ROBO2: variants seen among roughly 807,000 people sequenced by gnomAD.
ROBO2 encodes roundabout homolog 2.
Under a neutral mutation model 160.8 loss-of-function variants are expected in ROBO2, and 53 were observed. The observed-to-expected ratio is 0.33, with a 90% CI of 0.26 to 0.41. The LOEUF is 0.41. Ranked by LOEUF, ROBO2 falls within the 10% of genes least tolerant of loss-of-function variation. The pLI, the probability that ROBO2 is intolerant of heterozygous loss-of-function variation, is 1.00. For missense variants in ROBO2, 1,577 were observed against 1,722.4 expected, an observed-to-expected ratio of 0.92 and a Z score of 1.49; for synonymous variants, 664 against 611.7, an observed-to-expected ratio of 1.09 and a Z score of -1.26.
intron 2 of ROBO2, among the ~76,000 whole-genome samples, chr3:77,102,457 A>T (rs2072096200): frequency 6.6e-6 from 1 of 152,218 alleles, no homozygotes; most frequent in Non-Finnish European, 1.5e-5. Context: ...AAGTCAGTTG[A>T]GAACCACTGA....
intron 2 of ROBO2, among the ~76,000 whole-genome samples, chr3:76,931,550 G>GACACACACACACACACACACAC (rs148001909): frequency 2.7e-5 from 4 of 150,724 alleles, no homozygotes; most frequent in African/African-American, 7.3e-5. Context: ...TGCTTTATAA[G>GACACACACACACACACACACAC]ACACATACAC....
chr3:77,580,205 A>G, intron 16 of ROBO2, 87 bp downstream of exon 17: 1 of 1,182,152 alleles, frequency 8.5e-7, no homozygotes, highest in Non-Finnish European at 1.3e-6. Context: ...CTAATAGTGA[A>G]TATACACTTA....
chr3:76,455,026 G>T (rs1409955231), intron 2 of ROBO2, among the ~76,000 whole-genome samples: 1 of 152,040 alleles, frequency 6.6e-6, no homozygotes, highest in Non-Finnish European at 1.5e-5. Flanking sequence ...GTCCAACTAG[G>T]TAAAATAAAG....
chr3:77,151,060 G>T (rs1274152653), intron 2 of ROBO2, among the ~76,000 whole-genome samples: 1 of 152,104 alleles, frequency 6.6e-6, no homozygotes, highest in Non-Finnish European at 1.5e-5. Context: ...ATTAGAAGAT[G>T]TAACACTCTG....
chr3:76,187,451 G>GT (rs34422473), intron 2 of ROBO2, among the ~76,000 whole-genome samples: 66,607 of 151,570 alleles, frequency 0.44, 14,991 homozygotes, highest in Middle Eastern at 0.53. Context: ...ATTTTTTAAT[G>GT]TTTTTTAGAA....
chr3:76,484,841 T>C (rs2079404150), intron 2 of ROBO2, among the ~76,000 whole-genome samples: 2 of 152,300 alleles, frequency 1.3e-5, no homozygotes, highest in South Asian at 4.1e-4. Flanking sequence ...AGGAGAATTT[T>C]CTACATAAAA....
intron 2 of ROBO2, among the ~76,000 whole-genome samples, chr3:77,191,750 G>A (rs147509220): frequency 2.0e-5 from 3 of 152,232 alleles, no homozygotes; most frequent in East Asian, 1.9e-4. Context: ...AAAACACTAT[G>A]CATAAACAAG....
intron 2 of ROBO2, among the ~76,000 whole-genome samples, chr3:76,824,575 T>A (rs1437843797): frequency 2.0e-5 from 3 of 152,124 alleles, no homozygotes; most frequent in Non-Finnish European, 1.5e-5. Context: ...ACCTCTCCCA[T>A]CTTGAATATT....
At chr3:76,281,338 A>AG (rs1708221519) in intron 2 of ROBO2, among the ~76,000 whole-genome samples, 1 of 151,958 alleles carries the variant, frequency 6.6e-6, no homozygotes, top group African/African-American at 2.4e-5. Flanking sequence ...TTCTGCAACT[A>AG]TATGGGTATA....
At chr3:77,317,283 T>TC (rs1358926265) in intron 2 of ROBO2, 1 of 762,750 alleles carries the variant, frequency 1.3e-6, no homozygotes, top group East Asian at 2.5e-5. Flanking sequence ...CATTTTTTTT[T>TC]TCCCAGTGTT....
intron 1 of ROBO2, among the ~76,000 whole-genome samples, chr3:77,091,844 G>A (rs910025007): frequency 2.0e-5 from 3 of 151,942 alleles, no homozygotes; most frequent in African/African-American, 7.2e-5. Flanking sequence ...GCCAGGTGTG[G>A]TGGTGCGTGC....
intron 2 of ROBO2, among the ~76,000 whole-genome samples, chr3:75,988,976 A>G (rs2065490983): frequency 6.6e-6 from 1 of 152,054 alleles, no homozygotes; most frequent in Admixed American, 6.6e-5. Context: ...TTATAAATCA[A>G]ATGTGTAAGA....
chr3:76,635,235 T>TAG (rs2090264965), intron 2 of ROBO2, among the ~76,000 whole-genome samples: 1 of 152,238 alleles, frequency 6.6e-6, no homozygotes, highest in Non-Finnish European at 1.5e-5. Context: ...GTCTGGCTCT[T>TAG]GACTGAGTTT....
chr3:76,336,658 G>C (rs754815373), intron 2 of ROBO2, among the ~76,000 whole-genome samples: 1 of 152,234 alleles, frequency 6.6e-6, no homozygotes, highest in African/African-American at 2.4e-5. Context: ...AAAGAATGAC[G>C]TAACATTTAA....
intron 2 of ROBO2, among the ~76,000 whole-genome samples, chr3:76,255,740 A>T (rs150034607): frequency 6.6e-6 from 1 of 152,124 alleles, no homozygotes; most frequent in Non-Finnish European, 1.5e-5. Context: ...TCTCGGTTTT[A>T]TAAGATATTT....
At chr3:76,967,511 C>CTTT (rs59372235) in intron 2 of ROBO2, among the ~76,000 whole-genome samples, 5 of 55,370 alleles carry the variant, frequency 9.0e-5, no homozygotes, top group Admixed American at 4.6e-4. Context: ...CTGGCCAGCT[C>CTTT]TTTTTTTTTT....
intron 2 of ROBO2, among the ~76,000 whole-genome samples, chr3:76,538,149 A>ACT (rs1406751221): frequency 1.8e-5 from 2 of 108,350 alleles, no homozygotes; most frequent in African/African-American, 7.4e-5. Flanking sequence ...GCCTGACAGA[A>ACT]CTCACACACA....
At chr3:76,470,630 A>G (rs1330513925) in intron 2 of ROBO2, among the ~76,000 whole-genome samples, 1 of 152,146 alleles carries the variant, frequency 6.6e-6, no homozygotes, top group Non-Finnish European at 1.5e-5. Flanking sequence ...AAATGTATTG[A>G]CAATGCAGCC....
At position 77,400,551 on chromosome 3, in the gene ROBO2, C is replaced by T. The variant is rs115020173; in HGVS notation, c.389-76863C>T. ...CATTCGGTTCGTTTAAGTGTATAAC[C>T]GTACAAGTAATTGTTTTAACATATT... On this transcript the variant is annotated intron_variant, in intron 2 of 25. Coordinates refer to ENST00000461745, the Ensembl canonical transcript of ROBO2. Among the ~76,000 whole-genome samples the T allele has an allele frequency of 5.1e-3, 769 of 152,154 alleles. 5 individuals are homozygous for T. Among genetic ancestry groups the T allele is most frequent in the African/African-American group, 0.017 (725 of 41,510 alleles).
Sources: allele counts gnomAD v4.1 joint callset (sites outside exome capture counted in the v4.1 genomes callset), GRCh38; gene constraint gnomAD v4.1.1; transcripts MANE v1.5; gene names NCBI Gene and HGNC (gene_info 2026-07-23, HGNC 2026-07-21).